Variants in NTM observed in about 807,000 individuals in gnomAD.
NTM encodes the protein neurotrimin.
NTM carries 13 observed loss-of-function variants against 42.1 expected under a neutral mutation model. The observed-to-expected ratio is 0.31, with a 90% CI of 0.20 to 0.49. NTM has a LOEUF of 0.49. Among genes scored for constraint, NTM ranks in the 20% least tolerant of loss-of-function variants. The probability of loss-of-function intolerance (pLI) is 0.99; values close to 1 mark genes in which losing one functional copy is unlikely to be tolerated. For missense variants in NTM, 373 were observed against 452.8 expected (o/e 0.82, Z 1.60); for synonymous variants, 187 against 179.2 (o/e 1.04, Z -0.35).
At chr11:131,772,723 T>C (rs1401272079) in intron 1 of NTM, among the ~76,000 whole-genome samples, 2 of 152,186 alleles carry the variant, frequency 1.3e-5, no homozygotes, top group Non-Finnish European at 2.9e-5. Flanking sequence ...TCCTAATCCA[T>C]GGAAACTGCG....
At chr11:132,287,091 G>A (rs933428828) in intron 4 of NTM, among the ~76,000 whole-genome samples, 8 of 152,104 alleles carry the variant, frequency 5.3e-5, no homozygotes, top group African/African-American at 1.4e-4. Flanking sequence ...TCAGGCTGTC[G>A]ATGGCAGAGA....
chr11:131,493,692 C>T (rs531329045), intron 1 of NTM, among the ~76,000 whole-genome samples: 3 of 152,334 alleles, frequency 2.0e-5, no homozygotes, highest in African/African-American at 7.2e-5. Context: ...AGCCCAGAGA[C>T]ATTAAGTGAC....
Position 132,075,224 on chromosome 11 carries a change from G to A in NTM, c.168-71058G>A, listed in dbSNP as rs371104727. On this transcript the variant is annotated intron_variant, in intron 2 of 8. Coordinates refer to ENST00000683400, the MANE Select transcript of NTM (RefSeq NM_001352005.2). ...GCATGGAGTTTCAGTTACGCAAGATGTGTAAGTTCTGGAAGTCTCCTGTAC... is the reference window on the plus strand; with the variant it reads ...GCATGGAGTTTCAGTTACGCAAGATATGTAAGTTCTGGAAGTCTCCTGTAC... Among the ~76,000 whole-genome samples, 7 of 152,284 alleles carry A rather than the reference G, an allele frequency of 4.6e-5. No individual in the cohort carries two copies. The East Asian group carries it at 9.6e-4, about 21-fold the overall frequency.
intron 1 of NTM, among the ~76,000 whole-genome samples, chr11:131,487,278 A>T (rs1954279980): frequency 6.6e-6 from 1 of 152,182 alleles, no homozygotes; most frequent in Admixed American, 6.5e-5. Flanking sequence ...AAAGGCCTCT[A>T]ACTCAGCCCC....
At chr11:131,436,368 C>T (rs1408626070) in intron 1 of NTM, among the ~76,000 whole-genome samples, 1 of 152,134 alleles carries the variant, frequency 6.6e-6, no homozygotes, top group Non-Finnish European at 1.5e-5. Context: ...GTACCAGCTC[C>T]TTTTTGTACC....
Position 131,436,666 on chromosome 11 carries a change from T to C in NTM, c.82+65778T>C, listed in dbSNP as rs1373918336. 2.0e-5 allele frequency among the ~76,000 whole-genome samples: 3 copies of C among 152,216 alleles called. No individual in the cohort carries two copies. In the East Asian group the frequency reaches 5.8e-4, roughly 29 times the overall value. Reference sequence around the variant, plus strand: ...ATTTTTTATTGCATCTATTTGATTCTTCTCTCTTTTCTTCTTTATTAGTCT... The same window carrying C: ...ATTTTTTATTGCATCTATTTGATTCCTCTCTCTTTTCTTCTTTATTAGTCT... On this transcript the variant is annotated intron_variant, in intron 1 of 8. Coordinates refer to ENST00000683400, the MANE Select transcript of NTM (RefSeq NM_001352005.2).
rs1412942648 is a variant in NTM at position 132,003,259 on chromosome 11, T to G, written c.167+91611T>G. ...CCACACCCTTAGAGTTTTTTTTTCT[T>G]TTTTTTTTTTGACAGGTTATTTGTT... On this transcript the variant is annotated intron_variant, in intron 2 of 8. Coordinates refer to ENST00000683400, the MANE Select transcript of NTM (RefSeq NM_001352005.2). This position sits in a 1 kb window ranked among gnomAD's most constrained non-coding sequence, Gnocchi z 6.0. 7.2e-6 allele frequency among the ~76,000 whole-genome samples: 1 copy of G among 139,148 alleles called. No individual in the cohort carries two copies. The highest frequency in any genetic ancestry group is 1.5e-5 in the Non-Finnish European group (1 of 65,014). 91.3% of individuals were successfully genotyped at this position (139,148 alleles called of 152,430 possible).
At chr11:132,016,503 C>A (rs1593754989) in intron 2 of NTM, among the ~76,000 whole-genome samples, 1 of 151,978 alleles carries the variant, frequency 6.6e-6, no homozygotes, top group African/African-American at 2.4e-5. Context: ...TAATAATATT[C>A]TATTATAAAA....
intron 1 of NTM, among the ~76,000 whole-genome samples, chr11:131,447,208 T>C (rs1950126199): frequency 6.6e-6 from 1 of 152,190 alleles, no homozygotes; most frequent in Non-Finnish European, 1.5e-5. Flanking sequence ...GGTTTTGCGA[T>C]GGCCAAGAGG....
In NTM at chr11:131,831,949, T is replaced by G. The variant is rs1338578584; in HGVS notation, c.83-79615T>G. On this transcript the variant is annotated intron_variant, in intron 1 of 8. Transcript: ENST00000683400. ...TATTCCTATGTAATTATATATATAA[T>G]ATATATAATTAAATATAATATATAT... Among the ~76,000 whole-genome samples the G allele has an allele frequency of 4.7e-5, 7 of 147,718 alleles. No individual in the cohort carries two copies. The East Asian group carries it at 1.2e-3, about 25-fold the overall frequency.
At chr11:132,136,635 G>A (rs2067971499) in intron 2 of NTM, among the ~76,000 whole-genome samples, 1 of 152,220 alleles carries the variant, frequency 6.6e-6, no homozygotes, top group African/African-American at 2.4e-5. Context: ...CGCACACATG[G>A]GTGCCAGGCT....
At chr11:131,728,941 AG>A (rs1329475435) in intron 1 of NTM, among the ~76,000 whole-genome samples, 1 of 152,216 alleles carries the variant, frequency 6.6e-6, no homozygotes, top group East Asian at 1.9e-4. Flanking sequence ...GTCAGGAAAC[AG>A]GGTTGAAGAC....
intron 2 of NTM, among the ~76,000 whole-genome samples, chr11:132,009,748 A>G (rs752997615): frequency 6.6e-6 from 1 of 152,222 alleles, no homozygotes; most frequent in African/African-American, 2.4e-5. Context: ...TTTCTTTGTC[A>G]TGAGACGTGA....
chr11:132,064,628 G>A (rs1459621581), intron 2 of NTM, among the ~76,000 whole-genome samples: 1 of 152,106 alleles, frequency 6.6e-6, no homozygotes, highest in Non-Finnish European at 1.5e-5. Context: ...TTTAAAATGA[G>A]CCTCACTAAA....
intron 1 of NTM, among the ~76,000 whole-genome samples, chr11:131,815,702 A>G (rs1287348457): frequency 6.6e-6 from 1 of 151,990 alleles, no homozygotes; most frequent in Non-Finnish European, 1.5e-5. Context: ...TCTCAACTTG[A>G]CAGTCAGCAG....
intron 2 of NTM, among the ~76,000 whole-genome samples, chr11:132,101,970 C>T (rs900394075): frequency 2.0e-5 from 3 of 152,334 alleles, no homozygotes; most frequent in East Asian, 1.9e-4. Flanking sequence ...TACTTCTCAG[C>T]CCCATTTCCC....
intron 4 of NTM, among the ~76,000 whole-genome samples, chr11:132,300,521 A>G (rs954655221): frequency 6.6e-6 from 1 of 152,184 alleles, no homozygotes; most frequent in Non-Finnish European, 1.5e-5. Context: ...AGCTGCTATC[A>G]ACTCTTCAAC....
intron 2 of NTM, among the ~76,000 whole-genome samples, chr11:132,015,342 C>T: frequency 6.6e-6 from 1 of 151,886 alleles, no homozygotes; most frequent in East Asian, 1.9e-4. Context: ...CTGCTTTGTT[C>T]TTTTTGCTCA....
chr11:132,208,121 A>T (rs2082264432), intron 3 of NTM, among the ~76,000 whole-genome samples: 1 of 152,216 alleles, frequency 6.6e-6, no homozygotes, highest in Non-Finnish European at 1.5e-5. Context: ...GAGAAGTCAG[A>T]TATAGAATGT....
Sources: allele counts gnomAD v4.1 joint callset (sites outside exome capture counted in the v4.1 genomes callset), GRCh38; gene constraint gnomAD v4.1.1; non-coding constraint Gnocchi (gnomAD v3.1); transcripts MANE v1.5; gene names NCBI Gene and HGNC (gene_info 2026-07-23, HGNC 2026-07-21).